TUT7: variants seen among roughly 807,000 people sequenced by gnomAD.
The protein encoded by TUT7 is terminal uridylyl transferase 7, also known as terminal uridylyltransferase 7.
In TUT7, 33 loss-of-function variants were observed where a neutral mutation model predicts 165.9. The ratio of observed to expected loss-of-function variants is 0.20; its 90% CI spans 0.15 to 0.27. The LOEUF is 0.27. TUT7 is among the 10% of genes least tolerant of loss of function. The probability of loss-of-function intolerance (pLI) is 1.00; values close to 1 mark genes in which losing one functional copy is unlikely to be tolerated. For missense variants in TUT7, 1,338 were observed against 1,762.3 expected (o/e 0.76, Z 4.31); for synonymous variants, 552 against 608.1 (o/e 0.91, Z 1.36).
At chr9:86,289,322 G>A (rs1394169255) in intron 26 of TUT7, among the ~76,000 whole-genome samples, 3 of 152,120 alleles carry the variant, frequency 2.0e-5, no homozygotes, top group African/African-American at 7.2e-5. Flanking sequence ...CGAAAAAACT[G>A]AAGAGACCTG....
At chr9:86,308,088 A>C (rs1827685249) in intron 22 of TUT7, among the ~76,000 whole-genome samples, 1 of 152,206 alleles carries the variant, frequency 6.6e-6, no homozygotes, top group Non-Finnish European at 1.5e-5. Flanking sequence ...CTCCATCAAT[A>C]GCGAATGAAG....
Position 86,345,682 on chromosome 9 carries a change from T to C in TUT7, c.806A>G (p.Lys269Arg). Reference sequence around the variant, plus strand: ...CATTCAATTTACCTTAATGTTTTTCTTGTGCCTCTTTTCCTTGATATGCTT... The same window carrying C: ...CATTCAATTTACCTTAATGTTTTTCCTGTGCCTCTTTTCCTTGATATGCTT... ...AHKHIKEKRHKKNIKEKQEEE... is the reference protein window; with the variant it reads ...AHKHIKEKRHRKNIKEKQEEE... Residue 269 changes from lysine to arginine, a missense_variant, in exon 4 of 27, where the codon AAG (lysine) becomes AGG (arginine). Lys to Arg is a conservative substitution (Grantham distance 26, BLOSUM62 2). Around this residue, in one of 7 missense-constraint regions of TUT7, gnomAD observed 434 missense variants for 480.8 expected, o/e 0.90. Transcript: ENST00000375963. The C allele has an allele frequency of 6.2e-7, 1 of 1,611,186 alleles. No individual in the cohort carries two copies. Among genetic ancestry groups the C allele is most frequent in the Non-Finnish European group, 8.5e-7 (1 of 1,177,686 alleles).
At chr9:86,312,257 C>T (rs1328587119) in intron 17 of TUT7, among the ~76,000 whole-genome samples, 5 of 151,456 alleles carry the variant, frequency 3.3e-5, no homozygotes, top group South Asian at 2.1e-4. Flanking sequence ...ATGTGGGGAG[C>T]GCCTCTGCTC....
At chr9:86,328,830 T>C (rs1345042859) in intron 10 of TUT7, among the ~76,000 whole-genome samples, 1 of 152,084 alleles carries the variant, frequency 6.6e-6, no homozygotes, top group Non-Finnish European at 1.5e-5. Flanking sequence ...TAACCTTGAG[T>C]AAGGTACTTA....
intron 5 of TUT7, among the ~76,000 whole-genome samples, chr9:86,344,440 A>G (rs1267838806): frequency 6.6e-6 from 1 of 152,144 alleles, no homozygotes; most frequent in Admixed American, 6.6e-5. Flanking sequence ...CCATCATGCC[A>G]AAGGTCTAAA....
chr9:86,324,380 G>C (rs2131449528), intron 12 of TUT7: 1 of 154,144 alleles, frequency 6.5e-6, no homozygotes, highest in South Asian at 2.0e-4. Context: ...TTCTGCCCTG[G>C]GAAGCCCCAT....
intron 14 of TUT7, among the ~76,000 whole-genome samples, chr9:86,321,887 G>GAA (rs1450974614): frequency 1.3e-5 from 2 of 152,088 alleles, no homozygotes; most frequent in Non-Finnish European, 2.9e-5. Context: ...ACTAGCTTGG[G>GAA]TAACACAGGG....
chr9:86,288,500 C>A lies in TUT7; in HGVS notation c.*177G>T. 1 of 466,362 alleles carries A rather than the reference C, an allele frequency of 2.1e-6. No individual in the cohort carries two copies. Among genetic ancestry groups the A allele is most frequent in the East Asian group, 3.2e-5 (1 of 30,812 alleles). 28.9% of individuals were successfully genotyped at this position (466,362 alleles called of 1,614,324 possible). ...CTATGGGGATGTGTGGTAGATAAGA[C>A]TATATTAAAAATTTTTCCTCATTAA... On this transcript the variant is annotated 3_prime_UTR_variant, in exon 27 of 27. Transcript: ENST00000375963.
intron 10 of TUT7, 97 bp from the exon 11 acceptor site, chr9:86,328,589 C>A (rs755733471): frequency 2.1e-6 from 2 of 969,194 alleles, no homozygotes; most frequent in South Asian, 2.2e-5. Flanking sequence ...CATAGTTCAA[C>A]GAAAATACAA....
chr9:86,299,902 A>G (rs1437717629), intron 26 of TUT7, among the ~76,000 whole-genome samples: 8 of 152,230 alleles, frequency 5.3e-5, no homozygotes, highest in African/African-American at 9.6e-5. Flanking sequence ...AAAGTTATCT[A>G]TACTATTTAC....
intron 4 of TUT7, among the ~76,000 whole-genome samples, chr9:86,345,464 TA>T (rs1248729710): frequency 2.0e-5 from 3 of 152,212 alleles, no homozygotes; most frequent in African/African-American, 7.2e-5. Flanking sequence ...TGACTTCATA[TA>T]ACCTGATGCT....
Position 86,345,766 on chromosome 9 carries a change from G to A in TUT7, c.722C>T (p.Thr241Ile), listed in dbSNP as rs1394707353. Residue 241 changes from threonine (T) to isoleucine (I), a missense_variant, in exon 4 of 27, where the codon ACA becomes ATA. Physicochemically the swap from Thr to Ile is moderately conservative, Grantham distance 89 (BLOSUM62 -1). Around this residue, in one of 7 missense-constraint regions of TUT7, gnomAD observed 434 missense variants for 480.8 expected, o/e 0.90. Coordinates refer to ENST00000375963, the MANE Select transcript of TUT7 (RefSeq NM_024617.4). ...ACAGAGTCTGCAGGTGTACTTTGCT[G>A]TAGGGTAGTTTCGTGGTCGCTATAA... ...RLKRRPRNYP[T>I]AKYTCRLCDV... 1 of 1,612,706 alleles carries A rather than the reference G, an allele frequency of 6.2e-7. No individual in the cohort carries two copies. Among genetic ancestry groups the A allele is most frequent in the Non-Finnish European group, 8.5e-7 (1 of 1,179,284 alleles).
chr9:86,310,871 T>C (rs1229778270), intron 17 of TUT7, 62 bp from the exon 18 acceptor site: 6 of 939,398 alleles, frequency 6.4e-6, no homozygotes, highest in Non-Finnish European at 5.2e-6. Context: ...GTAACTCTTA[T>C]GTTAATGTTC....
chr9:86,307,720 G>A (rs1410049296), intron 22 of TUT7, among the ~76,000 whole-genome samples: 1 of 152,074 alleles, frequency 6.6e-6, no homozygotes. Flanking sequence ...GTGGCCAGGC[G>A]CAGTGGCTCA....
At position 86,349,603 on chromosome 9, in the gene TUT7, A is replaced by G. The variant is rs78482486; in HGVS notation, c.520+3077T>C. Among the ~76,000 whole-genome samples, 1,207 of 152,306 alleles carry G rather than the reference A, an allele frequency of 7.9e-3. 21 individuals carry two copies. The highest frequency in any genetic ancestry group is 0.028 in the African/African-American group (1,163 of 41,566). Reference sequence around the variant, plus strand: ...AAGCAACTCCACCATAATTTCCATTATATCTTCTCACATTGTTGAATAATA... The same window carrying G: ...AAGCAACTCCACCATAATTTCCATTGTATCTTCTCACATTGTTGAATAATA... On this transcript the variant is annotated intron_variant, in intron 2 of 26. Coordinates refer to ENST00000375963, the MANE Select transcript of TUT7 (RefSeq NM_024617.4).
chr9:86,315,229 C>T (rs1828590582), intron 17 of TUT7, among the ~76,000 whole-genome samples: 1 of 152,178 alleles, frequency 6.6e-6, no homozygotes, highest in African/African-American at 2.4e-5. Flanking sequence ...TAAACACAGC[C>T]CTCTAGCTGT....
In TUT7 at chr9:86,323,263, G is replaced by C; in HGVS notation, c.2487C>G (p.His829Gln). The stretch of plus-strand genomic sequence containing the variant: ...TCTGGCCCTGTACTGAGTGGGTAAA[G>C]TGGTTTAGAGAGTCTTCTAGTTCCT... ...GTEELEDSLN[H>Q]FTHSVQGQTS... is the part of the protein sequence containing the mutation. The change falls in exon 13 of 27, where the codon CAC (histidine) becomes CAG (glutamine). Residue 829 changes from histidine to glutamine, a missense_variant. By Grantham distance (24) the His-to-Gln change is conservative (BLOSUM62 0). Transcript: ENST00000375963. 2 of 1,614,124 alleles carry C rather than the reference G, an allele frequency of 1.2e-6. No individual in the cohort carries two copies. The highest frequency in any genetic ancestry group is 1.7e-6 in the Non-Finnish European group (2 of 1,180,020).
chr9:86,346,558 T>C (rs1831788751), intron 2 of TUT7, 78 bp from the exon 3 acceptor site: 1 of 1,380,746 alleles, frequency 7.2e-7, no homozygotes. Flanking sequence ...TACATATGTA[T>C]TAAATCATGT....
At chr9:86,350,005 G>C (rs1203299449) in intron 2 of TUT7, among the ~76,000 whole-genome samples, 1 of 152,124 alleles carries the variant, frequency 6.6e-6, no homozygotes, top group Non-Finnish European at 1.5e-5. Flanking sequence ...TTAATGTCTA[G>C]TTGCAAATTT....
Sources: allele counts gnomAD v4.1 joint callset (sites outside exome capture counted in the v4.1 genomes callset), GRCh38; gene constraint gnomAD v4.1.1; regional missense constraint gnomAD v4.1.1; transcripts MANE v1.5; gene names NCBI Gene and HGNC (gene_info 2026-07-23, HGNC 2026-07-21).